The following SLC35A1 variants were observed in gnomAD, a reference collection of about 807,000 sequenced individuals.
The protein encoded by SLC35A1 is CMP-sialic acid transporter.
SLC35A1 carries 21 observed loss-of-function variants against 40.3 expected under a neutral mutation model. The ratio of observed to expected loss-of-function variants is 0.52; its 90% CI spans 0.37 to 0.75. The LOEUF (loss-of-function observed/expected upper bound fraction) is 0.75, where lower values mean the gene tolerates loss of function less well. Among genes scored for constraint, SLC35A1 ranks in the 30% least tolerant of loss-of-function variants. The pLI is 0.00. For synonymous variants in SLC35A1, 146 were observed against 147.3 expected, an observed-to-expected ratio of 0.99 and a Z score of 0.06; for missense variants, 297 against 382.1, an observed-to-expected ratio of 0.78 and a Z score of 1.86.
rs200070669 is a variant in SLC35A1, at chr6:87,501,110, C to A, written c.355-48C>A. 2.5e-5 allele frequency: 36 copies of A among 1,439,246 alleles called. No individual in the cohort carries two copies. The East Asian group carries it at 7.5e-4, about 30-fold the overall frequency. 89.2% of individuals were successfully genotyped at this position (1,439,246 alleles called of 1,614,324 possible). A position where few individuals can be genotyped will look rare whatever the true frequency, so the allele number is the denominator to read the frequency against. On this transcript the variant is annotated intron_variant, in intron 3 of 7. Coordinates refer to ENST00000369552, the MANE Select transcript of SLC35A1 (RefSeq NM_006416.5). ...GATACCAGAAATAATATATTTGTATCAGAGACTAACATTAACTGAATTTAT... is the reference window on the plus strand; with the variant it reads ...GATACCAGAAATAATATATTTGTATAAGAGACTAACATTAACTGAATTTAT...
chr6:87,484,147 G>A (rs146202789), intron 2 of SLC35A1, among the ~76,000 whole-genome samples: 53 of 152,230 alleles, frequency 3.5e-4, no homozygotes, highest in African/African-American at 1.2e-3. Flanking sequence ...GTTGCCAGCC[G>A]GTTTGGTTTC....
chr6:87,511,630 A>G lies in SLC35A1; in HGVS notation c.*104A>G, dbSNP rs892134040. ...GCATAAACAAATAAAAATTAACTGTATGGCATGATCAGTGCGGTTATGTGG... is the reference window on the plus strand; with the variant it reads ...GCATAAACAAATAAAAATTAACTGTGTGGCATGATCAGTGCGGTTATGTGG... On this transcript the variant is annotated 3_prime_UTR_variant, in exon 8 of 8. Coordinates refer to ENST00000369552, the MANE Select transcript of SLC35A1 (RefSeq NM_006416.5). The G allele has an allele frequency of 2.5e-5, 31 of 1,261,750 alleles. No homozygotes were observed. The highest frequency in any genetic ancestry group is 3.4e-5 in the Non-Finnish European group (29 of 861,176). The allele number at this position is 1,261,750 out of a possible 1,614,324, so 78.2% of individuals were successfully genotyped here. A position where few individuals can be genotyped will look rare whatever the true frequency, so the allele number is the denominator to read the frequency against.
At chr6:87,510,670 T>C (rs570395351) in intron 7 of SLC35A1, among the ~76,000 whole-genome samples, 72 of 152,014 alleles carry the variant, frequency 4.7e-4, no homozygotes, top group Non-Finnish European at 6.6e-4. Flanking sequence ...TAACCTGAGG[T>C]TGGGGACCAG....
chr6:87,509,556 A>G (rs1357892136), intron 7 of SLC35A1, among the ~76,000 whole-genome samples: 5 of 152,192 alleles, frequency 3.3e-5, no homozygotes, highest in African/African-American at 1.2e-4. Flanking sequence ...AGTCAGTTTA[A>G]ACTATATTGG....
At chr6:87,481,482 T>G (rs1769242159) in intron 2 of SLC35A1, among the ~76,000 whole-genome samples, 1 of 152,098 alleles carries the variant, frequency 6.6e-6, no homozygotes, top group Non-Finnish European at 1.5e-5. Context: ...GCCTTCTTCC[T>G]GAGAAACTTC....
At position 87,509,102 on chromosome 6, in the gene SLC35A1, G is replaced by GA; in HGVS notation, c.816dup (p.Gly273ArgfsTer84). 1 of 1,614,156 alleles carries GA rather than the reference G, an allele frequency of 6.2e-7. No individual in the cohort carries two copies. Among genetic ancestry groups the GA allele is most frequent in the East Asian group, 2.2e-5 (1 of 44,878 alleles). Reference sequence around the variant, plus strand: ...TGGTTAAGTACACAGACAACATCATGAAAGGCTTTTCTGCAGCAGCGGCCA... The same window carrying GA: ...TGGTTAAGTACACAGACAACATCATGAAAAGGCTTTTCTGCAGCAGCGGCCA... On this transcript the variant is annotated frameshift_variant, in exon 7 of 8. Transcript: ENST00000369552. LOFTEE classifies it high-confidence loss of function.
At chr6:87,483,357 T>C (rs987760165) in intron 2 of SLC35A1, among the ~76,000 whole-genome samples, 3 of 152,216 alleles carry the variant, frequency 2.0e-5, no homozygotes, top group African/African-American at 4.8e-5. Context: ...TTAGCCTTTC[T>C]TTCCCCCGAG....
chr6:87,487,454 A>AT (rs1400338660), intron 2 of SLC35A1, among the ~76,000 whole-genome samples: 6 of 152,160 alleles, frequency 3.9e-5, no homozygotes, highest in Non-Finnish European at 8.8e-5. Flanking sequence ...AACTGATCAC[A>AT]TTTTTGTCAA....
At chr6:87,499,198 TTC>T in intron 2 of SLC35A1, 1 of 799,306 alleles carries the variant, frequency 1.3e-6, no homozygotes, top group Non-Finnish European at 1.5e-6. Context: ...GACTTTTGCT[TTC>T]TCTCAGAACT....
chr6:87,504,885 G>A (rs1385776285), intron 4 of SLC35A1, among the ~76,000 whole-genome samples: 1 of 152,210 alleles, frequency 6.6e-6, no homozygotes, highest in Admixed American at 6.5e-5. Flanking sequence ...ATCTATGCCA[G>A]TCTTGAAATT....
intron 2 of SLC35A1, among the ~76,000 whole-genome samples, chr6:87,487,012 A>T (rs1249667716): frequency 2.0e-5 from 3 of 152,080 alleles, no homozygotes; most frequent in Non-Finnish European, 4.4e-5. Flanking sequence ...CCCCATCTCT[A>T]CTAAAAATAC....
intron 5 of SLC35A1, among the ~76,000 whole-genome samples, chr6:87,507,785 G>T (rs1337749633): frequency 1.6e-5 from 2 of 126,590 alleles, no homozygotes; most frequent in African/African-American, 2.5e-5. Context: ...TGAAGTATCT[G>T]AAAAAATCTA....
intron 4 of SLC35A1, among the ~76,000 whole-genome samples, chr6:87,505,652 T>C (rs1770057103): frequency 6.6e-6 from 1 of 152,180 alleles, no homozygotes; most frequent in Non-Finnish European, 1.5e-5. Context: ...GCTCATTCTA[T>C]GGCAGAAGGC....
At chr6:87,473,168 C>G (rs1006490995) in intron 1 of SLC35A1, 149 bp downstream of exon 1, 2 of 393,102 alleles carry the variant, frequency 5.1e-6, no homozygotes, top group Admixed American at 8.9e-5. Context: ...TTGCGTGGAG[C>G]CGCTCCCGGC....
At chr6:87,482,130 C>T (rs547782199) in intron 2 of SLC35A1, among the ~76,000 whole-genome samples, 11 of 152,332 alleles carry the variant, frequency 7.2e-5, no homozygotes, top group African/African-American at 2.6e-4. Flanking sequence ...CAATCTTCGA[C>T]AGGCCTCAAT....
At chr6:87,480,861 C>T (rs981263989) in intron 2 of SLC35A1, among the ~76,000 whole-genome samples, 3 of 151,886 alleles carry the variant, frequency 2.0e-5, no homozygotes, top group African/African-American at 7.3e-5. Flanking sequence ...TTGCTTGACT[C>T]GGGTGTGATG....
intron 7 of SLC35A1, among the ~76,000 whole-genome samples, chr6:87,509,568 T>C (rs571656335): frequency 1.3e-5 from 2 of 152,346 alleles, no homozygotes; most frequent in African/African-American, 4.8e-5. Flanking sequence ...CTATATTGGC[T>C]CATTATTTAG....
At chr6:87,483,750 G>A (rs1050841778) in intron 2 of SLC35A1, among the ~76,000 whole-genome samples, 3 of 152,108 alleles carry the variant, frequency 2.0e-5, no homozygotes, top group African/African-American at 7.2e-5. Flanking sequence ...CCTATCCTGG[G>A]AGGTTGACAT....
chr6:87,504,998 T>C (rs1770034185), intron 4 of SLC35A1, among the ~76,000 whole-genome samples: 1 of 152,192 alleles, frequency 6.6e-6, no homozygotes. Flanking sequence ...TTGAAACAGA[T>C]TGCTAGGCCC....
Sources: gnomAD v4.1 joint callset for allele counts (sites outside exome capture counted in the v4.1 genomes callset) on GRCh38, gnomAD v4.1.1 for gene constraint, MANE v1.5 for transcripts, NCBI Gene and HGNC (gene_info 2026-07-23, HGNC 2026-07-21) for gene names.